Variants in DOCK3 observed in about 807,000 individuals in gnomAD.
DOCK3 encodes dedicator of cytokinesis 3.
Under a neutral mutation model 265.6 loss-of-function variants are expected in DOCK3, and 60 were observed. That is an observed-to-expected ratio of 0.23 (90% CI 0.18 to 0.28). The LOEUF (loss-of-function observed/expected upper bound fraction) is 0.28. Ranked by LOEUF, DOCK3 falls within the 10% of genes least tolerant of loss-of-function variation. The pLI is 1.00. For missense variants in DOCK3, 1,981 were observed against 2,594.3 expected (o/e 0.76, Z 5.14); for synonymous variants, 881 against 938.0 (o/e 0.94, Z 1.11).
At chr3:50,771,446 A>G (rs979938374) in intron 1 of DOCK3, among the ~76,000 whole-genome samples, 5 of 152,202 alleles carry the variant, frequency 3.3e-5, no homozygotes, top group Admixed American at 1.3e-4. Context: ...ACAGACAATA[A>G]CAAGTGCTGG....
chr3:51,357,486 C>T (rs1367694708), intron 44 of DOCK3, among the ~76,000 whole-genome samples: 2 of 152,310 alleles, frequency 1.3e-5, no homozygotes, highest in East Asian at 3.9e-4. Context: ...TCCCAGTCCA[C>T]CAGTCCTGCC....
chr3:51,133,020 G>T (rs191628824), intron 9 of DOCK3, among the ~76,000 whole-genome samples: 17 of 152,216 alleles, frequency 1.1e-4, no homozygotes, highest in Admixed American at 9.2e-4. Flanking sequence ...GCAGGATAAT[G>T]TTGATTTTCC....
intron 1 of DOCK3, among the ~76,000 whole-genome samples, chr3:50,718,818 T>G (rs935260959): frequency 7.9e-6 from 1 of 126,228 alleles, no homozygotes; most frequent in Non-Finnish European, 1.6e-5. Context: ...AGAATCTTGC[T>G]CTGTCACCCA....
intron 1 of DOCK3, among the ~76,000 whole-genome samples, chr3:50,680,378 A>G (rs1316138227): frequency 6.6e-6 from 1 of 151,122 alleles, no homozygotes; most frequent in Non-Finnish European, 1.5e-5. Context: ...CACCTGGCTA[A>G]TTCTTTTCTA....
chr3:51,312,071 G>A lies in DOCK3; in HGVS notation c.3085G>A (p.Asp1029Asn), dbSNP rs1034882918. The change falls in exon 29 of 53, where the codon GAC becomes AAC. Residue 1029 changes from aspartate (D) to asparagine (N), a missense_variant. Physicochemically the swap from Asp to Asn is conservative, Grantham distance 23. This residue lies in a region of DOCK3 where 1,357 missense variants were observed against 1,866.8 expected (regional missense o/e 0.73). Coordinates refer to ENST00000266037, the MANE Select transcript of DOCK3 (RefSeq NM_004947.5). ...LHKNFTETDF[D>N]FKVWNSYFSL... is the part of the protein sequence containing the mutation. ...CAAGAATTTCACAGAGACTGACTTT[G>A]ACTTTAAGGTAGGCACTCCTGAAAT... The A allele has an allele frequency of 3.1e-6, 5 of 1,602,416 alleles. No individual in the cohort carries two copies. The highest frequency in any genetic ancestry group is 4.3e-6 in the Non-Finnish European group (5 of 1,173,904).
chr3:51,171,959 A>G lies in DOCK3; in HGVS notation c.1037+11257A>G, dbSNP rs145974131. Among the ~76,000 whole-genome samples the G allele has an allele frequency of 1.1e-4, 16 of 152,224 alleles. No homozygotes were observed. The East Asian group carries it at 3.1e-3, about 29-fold the overall frequency. On this transcript the variant is annotated intron_variant, in intron 12 of 52. Coordinates refer to ENST00000266037, the MANE Select transcript of DOCK3 (RefSeq NM_004947.5). ...CCCTACTGTTATTGTATTGTACTAT[A>G]TCTCTTCCTGTAGAACTATTAATAT...
At chr3:50,847,870 G>A (rs903213326) in intron 3 of DOCK3, among the ~76,000 whole-genome samples, 2 of 100,448 alleles carry the variant, frequency 2.0e-5, no homozygotes, top group African/African-American at 4.1e-5. Flanking sequence ...GTGACAGAAC[G>A]AGGCTCCATT....
At chr3:51,363,211 T>C (rs1336140520) in intron 49 of DOCK3, among the ~76,000 whole-genome samples, 1 of 152,258 alleles carries the variant, frequency 6.6e-6, no homozygotes, top group Non-Finnish European at 1.5e-5. Context: ...GAATGAATAT[T>C]GTTCTTTGAG....
intron 5 of DOCK3, among the ~76,000 whole-genome samples, chr3:50,971,475 T>C (rs1286549759): frequency 6.6e-6 from 1 of 152,178 alleles, no homozygotes; most frequent in Non-Finnish European, 1.5e-5. Flanking sequence ...TCTTAAATGC[T>C]GGTTGTAGTA....
chr3:51,080,794 A>G (rs1231287494), intron 7 of DOCK3, among the ~76,000 whole-genome samples: 1 of 152,222 alleles, frequency 6.6e-6, no homozygotes, highest in African/African-American at 2.4e-5. Context: ...GGCTTAGTGT[A>G]GCTCCTGGAT....
At chr3:50,978,873 A>C (rs907103350) in intron 5 of DOCK3, among the ~76,000 whole-genome samples, 7 of 152,170 alleles carry the variant, frequency 4.6e-5, no homozygotes, top group Non-Finnish European at 7.3e-5. Context: ...GCCCGTCGGA[A>C]AAGCGCAGTA....
chr3:51,029,794 G>T (rs2108943348), intron 5 of DOCK3, among the ~76,000 whole-genome samples: 1 of 152,290 alleles, frequency 6.6e-6, no homozygotes, highest in Admixed American at 6.5e-5. Context: ...GTGGCTCAAG[G>T]GTGGAGAATC....
At chr3:51,321,910 A>T (rs897391308) in intron 32 of DOCK3, among the ~76,000 whole-genome samples, 2 of 152,232 alleles carry the variant, frequency 1.3e-5, no homozygotes, top group Non-Finnish European at 2.9e-5. Flanking sequence ...ACTCTTCAGG[A>T]TATTATCCAG....
In DOCK3 at chr3:51,159,319, A is replaced by G; in HGVS notation, c.889+15A>G. ...GATCCGAATAGGTACTGTTCACCTT[A>G]CCCATTCACATGACTAAGAATGGCC... On this transcript the variant is annotated intron_variant, in intron 11 of 52. Coordinates refer to ENST00000266037, the MANE Select transcript of DOCK3 (RefSeq NM_004947.5). 6.2e-7 allele frequency: 1 copy of G among 1,609,246 alleles called. No homozygotes were observed. Among genetic ancestry groups the G allele is most frequent in the Non-Finnish European group, 8.5e-7 (1 of 1,176,740 alleles).
intron 3 of DOCK3, among the ~76,000 whole-genome samples, chr3:50,876,248 T>C (rs1183388480): frequency 2.0e-5 from 3 of 152,152 alleles, no homozygotes; most frequent in Non-Finnish European, 4.4e-5. Context: ...CTTAAATTAG[T>C]TTTATTTGCC....
At chr3:51,343,672 G>C (rs1321892944) in intron 38 of DOCK3, among the ~76,000 whole-genome samples, 2 of 152,224 alleles carry the variant, frequency 1.3e-5, no homozygotes, top group Non-Finnish European at 2.9e-5. Flanking sequence ...TGCTACCTCT[G>C]TGCAGAGGCA....
Position 51,314,991 on chromosome 3 carries a change from A to G in DOCK3, c.3265A>G (p.Ile1089Val). 6.2e-7 allele frequency: 1 copy of G among 1,606,788 alleles called. No individual in the cohort carries two copies. The highest frequency in any genetic ancestry group is 8.5e-7 in the Non-Finnish European group (1 of 1,175,606). ...GTTTTGTTTTTCAGGTGAACATAAG[A>G]TCCACTTTATTCCGGGAATGATTGG... The part of the protein sequence containing the change: ...SMWQNLGEHK[I>V]HFIPGMIGPF... The change falls in exon 32 of 53, where the codon ATC (isoleucine) becomes GTC (valine). Residue 1089 changes from isoleucine to valine, a missense_variant. Transcript: ENST00000266037.
intron 2 of DOCK3, among the ~76,000 whole-genome samples, chr3:50,804,119 C>T (rs925916578): frequency 5.4e-5 from 8 of 149,342 alleles, no homozygotes; most frequent in East Asian, 2.0e-4. Flanking sequence ...GGGGCAGAGG[C>T]GCTCCCCACA....
chr3:51,134,636 T>C (rs555148686), intron 9 of DOCK3, among the ~76,000 whole-genome samples: 5 of 152,300 alleles, frequency 3.3e-5, no homozygotes, highest in Admixed American at 1.3e-4. Context: ...ATAGGAATCC[T>C]GGAGATAGAT....
Sources: allele counts gnomAD v4.1 joint callset (sites outside exome capture counted in the v4.1 genomes callset), GRCh38; gene constraint gnomAD v4.1.1; regional missense constraint gnomAD v4.1.1; transcripts MANE v1.5; gene names NCBI Gene and HGNC (gene_info 2026-07-23, HGNC 2026-07-21).